The following GATA5 variants were observed in gnomAD, a reference collection of about 807,000 sequenced individuals.
GATA5 encodes transcription factor GATA-5.
GATA5 carries 27 observed loss-of-function variants against 35.0 expected under a neutral mutation model. The ratio of observed to expected loss-of-function variants is 0.77; its 90% CI spans 0.57 to 1.06. The LOEUF (loss-of-function observed/expected upper bound fraction) is 1.06. Ranked by LOEUF, GATA5 falls within the 50% of genes least tolerant of loss-of-function variation. GATA5 has a pLI of 0.00. For missense variants in GATA5, 612 were observed against 580.0 expected, an observed-to-expected ratio of 1.06 and a Z score of -0.57; for synonymous variants, 306 against 267.8, an observed-to-expected ratio of 1.14 and a Z score of -1.39.
intron 6 of GATA5, 98 bp from the exon 7 acceptor site, chr20:62,465,089 G>A: frequency 1.9e-6 from 2 of 1,075,624 alleles, no homozygotes; most frequent in Non-Finnish European, 2.7e-6. Context: ...CCCATGACCG[G>A]TATTTGCCCT....
intron 1 of GATA5, 91 bp from the exon 2 acceptor site, chr20:62,475,633 G>C (rs1306099238): frequency 1.3e-5 from 11 of 876,308 alleles, no homozygotes; most frequent in Non-Finnish European, 1.7e-5. Context: ...CCGCCGCTTC[G>C]GGCAGCGCTT....
chr20:62,473,904 A>T (rs1989785563), intron 2 of GATA5, among the ~76,000 whole-genome samples: 1 of 152,026 alleles, frequency 6.6e-6, no homozygotes, highest in South Asian at 2.1e-4. Context: ...TGCCTGTTTG[A>T]CCTGCTGGGA....
At position 62,464,898 on chromosome 20, in the gene GATA5, G is replaced by A; in HGVS notation, c.1132C>T (p.Pro378Ser). Residue 378 changes from proline (P) to serine (S), a missense_variant, in exon 7 of 7, where the codon CCC becomes TCC. Pro to Ser is a moderately conservative substitution (Grantham distance 74). Transcript: ENST00000252997. ...AGAGCCCCCCTGAGGCCAGCCTGGG[G>A]GCTTGGGGCCGTGGAGGGGAAGGCA... Reference protein sequence around the residue: ...DFAFPSTAPSPQAGLRGALRQ... With the variant: ...DFAFPSTAPSSQAGLRGALRQ... The A allele has an allele frequency of 6.2e-7, 1 of 1,611,428 alleles. No homozygotes were observed. Among genetic ancestry groups the A allele is most frequent in the Non-Finnish European group, 8.5e-7 (1 of 1,179,186 alleles).
intron 6 of GATA5, 47 bp downstream of exon 6, chr20:62,465,293 C>G: frequency 6.5e-7 from 1 of 1,549,578 alleles, no homozygotes; most frequent in Non-Finnish European, 8.7e-7. Flanking sequence ...GCGGAGGAAG[C>G]ACAGGGGCCC....
At position 62,466,532 on chromosome 20, in the gene GATA5, C is replaced by G. The variant is rs1363190211; in HGVS notation, c.719G>C (p.Gly240Ala). Residue 240 changes from glycine (G) to alanine (A), a missense_variant, in exon 4 of 7, where the codon GGC (glycine) becomes GCC (alanine). By Grantham distance (60) the Gly-to-Ala change is moderately conservative. Transcript: ENST00000252997. ...QKRLSSSRRAGLCCTNCHTTN... is the reference protein window; with the variant it reads ...QKRLSSSRRAALCCTNCHTTN... ...CGTGTGGCAGTTGGTGCAGCAGAGG[C>G]CGGCGCGGCGGGACGAGGACTGTGG... 1.3e-6 allele frequency: 2 copies of G among 1,556,728 alleles called. No homozygotes were observed. The highest frequency in any genetic ancestry group is 1.4e-5 in the African/African-American group (1 of 73,504).
Position 62,464,920 on chromosome 20 carries a change from G to A in GATA5, c.1110C>T (p.Ala370=), listed in dbSNP as rs567510235. Residue 370 remains alanine (A), a synonymous_variant, in exon 7 of 7, where the codon GCC becomes GCT. Coordinates refer to ENST00000252997, the MANE Select transcript of GATA5 (RefSeq NM_080473.5). The stretch of plus-strand genomic sequence containing the variant: ...GGGGGCTTGGGGCCGTGGAGGGGAA[G>A]GCAAAGTCCTCAGGCTCGAACTTGA... ...LEFKFEPEDF[A]FPSTAPSPQA... The A allele has an allele frequency of 1.2e-6, 2 of 1,611,602 alleles. No individual in the cohort carries two copies. Among genetic ancestry groups the A allele is most frequent in the African/African-American group, 1.3e-5 (1 of 74,890 alleles).
rs376640853 is a variant in GATA5, at chr20:62,470,400, G to A, written c.699+3003C>T. 2.0e-5 allele frequency among the ~76,000 whole-genome samples: 3 copies of A among 152,238 alleles called. No individual in the cohort carries two copies. The highest frequency in any genetic ancestry group is 4.8e-5 in the African/African-American group (2 of 41,472). On this transcript the variant is annotated intron_variant, in intron 3 of 6. Coordinates refer to ENST00000252997, the MANE Select transcript of GATA5 (RefSeq NM_080473.5). The surrounding 1 kb of genome is among the most constrained non-coding windows in gnomAD (Gnocchi z 4.6). ...GCCGCAGAGTCTGAGCCTTGGGGAC[G>A]GGTGAGTGGCTGGAATGTCTCCAAA... is the stretch of plus-strand genomic sequence containing the variant.
intron 5 of GATA5, 52 bp from the exon 6 acceptor site, chr20:62,465,516 C>A: frequency 6.4e-7 from 1 of 1,566,756 alleles, no homozygotes. Context: ...GCCTCACTTC[C>A]CCTTCCTGCC....
At position 62,468,877 on chromosome 20, in the gene GATA5, C is replaced by T. The variant is rs143352867; in HGVS notation, c.700-2326G>A. On this transcript the variant is annotated intron_variant, in intron 3 of 6. Coordinates refer to ENST00000252997, the MANE Select transcript of GATA5 (RefSeq NM_080473.5). Reference sequence around the variant, plus strand: ...CCCCGGCTGGATGGTGGGCACCCTTCGTGCAGGAGCAATTGGGGTCACCCA... The same window carrying T: ...CCCCGGCTGGATGGTGGGCACCCTTTGTGCAGGAGCAATTGGGGTCACCCA... Among the ~76,000 whole-genome samples, 402 of 152,352 alleles carry T rather than the reference C, an allele frequency of 2.6e-3. 1 individual carries two copies. The highest frequency in any genetic ancestry group is 4.1e-3 in the Non-Finnish European group (280 of 68,014).
In GATA5 at chr20:62,473,502, C is replaced by A; in HGVS notation, c.600G>T (p.Trp200Cys). The stretch of plus-strand genomic sequence containing the variant: ...GGTAGTGGCCGGTGCCGTCTCGGCG[C>A]CACAGCGGTGTGGACAGGGCCCCGC... Reference protein sequence around the residue: ...VNCGALSTPLWRRDGTGHYLC... With the variant: ...VNCGALSTPLCRRDGTGHYLC... The change falls in exon 3 of 7, where the codon TGG becomes TGT. Residue 200 changes from tryptophan (W) to cysteine (C), a missense_variant. Trp to Cys is a radical substitution (Grantham distance 215). Coordinates refer to ENST00000252997, the MANE Select transcript of GATA5 (RefSeq NM_080473.5). The A allele has an allele frequency of 1.2e-6, 2 of 1,609,754 alleles. No homozygotes were observed. The highest frequency in any genetic ancestry group is 2.2e-5 in the South Asian group (2 of 90,442).
rs1555896095 is a variant in GATA5, at chr20:62,466,419, C to A, written c.825+7G>T. The stretch of plus-strand genomic sequence containing the variant: ...CCTCCCCGCCCTGCCCCGGGGACCA[C>A]ACTCACCCCGTGCAGCTTCATGTAG... On this transcript the variant is annotated splice_region_variant and intron_variant, in intron 4 of 6. Coordinates refer to ENST00000252997, the MANE Select transcript of GATA5 (RefSeq NM_080473.5). 1.3e-6 allele frequency: 2 copies of A among 1,580,066 alleles called. No individual in the cohort carries two copies. The highest frequency in any genetic ancestry group is 2.3e-5 in the South Asian group (2 of 86,354).
At position 62,464,685 on chromosome 20, in the gene GATA5, C is replaced by T. The variant is rs1989532371; in HGVS notation, c.*151G>A. The T allele has an allele frequency of 1.5e-6, 1 of 669,646 alleles. No homozygotes were observed. The highest frequency in any genetic ancestry group is 1.9e-5 in the African/African-American group (1 of 52,880). The allele number at this position is 669,646 out of a possible 1,614,324, so 41.5% of individuals were successfully genotyped here. Reference sequence around the variant, plus strand: ...CCCGACTGCCGTCTGTCCAGAAGGCCTCCCCACCACTGTGTGGAGACTCCA... The same window carrying T: ...CCCGACTGCCGTCTGTCCAGAAGGCTTCCCCACCACTGTGTGGAGACTCCA... On this transcript the variant is annotated 3_prime_UTR_variant, in exon 7 of 7. Transcript: ENST00000252997.
chr20:62,469,740 C>G (rs1486914773), intron 3 of GATA5, among the ~76,000 whole-genome samples: 1 of 152,238 alleles, frequency 6.6e-6, no homozygotes, highest in Non-Finnish European at 1.5e-5. Flanking sequence ...ATGGACCTCA[C>G]AACACTTTTC....
Position 62,465,835 on chromosome 20 carries a change from T to TGAG in GATA5, c.909_911dup (p.Ser304dup). 6.3e-7 allele frequency: 1 copy of TGAG among 1,583,278 alleles called. No homozygotes were observed. Among genetic ancestry groups the TGAG allele is most frequent in the Middle Eastern group, 1.7e-4 (1 of 6,030 alleles). On this transcript the variant is annotated inframe_insertion and splice_region_variant, in exon 5 of 7. Coordinates refer to ENST00000252997, the MANE Select transcript of GATA5 (RefSeq NM_080473.5). The stretch of plus-strand genomic sequence containing the variant: ...TGACTGCAGGGCCTGGCCACGCACC[T>TGAG]GAGGAGCCCCTGGCCTTGGCGATGG...
chr20:62,469,429 C>T (rs782725324), intron 3 of GATA5, among the ~76,000 whole-genome samples: 3 of 152,232 alleles, frequency 2.0e-5, no homozygotes, highest in African/African-American at 7.2e-5. Context: ...GAGGGACCCT[C>T]GGGTCTGGGA....
chr20:62,471,100 C>A (rs917658044), intron 3 of GATA5, among the ~76,000 whole-genome samples: 2 of 152,160 alleles, frequency 1.3e-5, no homozygotes, highest in African/African-American at 4.8e-5. Flanking sequence ...GAACTGTCTA[C>A]GAGATGCCCC....
chr20:62,466,491 A>G lies in GATA5; in HGVS notation c.760T>C (p.Trp254Arg). ...GGCTCCCCCTCCGAGTTCCGCCGCC[A>G]CAGCGTGGTGTTGGTCGTGTGGCAG... ...TNCHTTNTTL[W>R]RRNSEGEPVC... Residue 254 changes from tryptophan (W) to arginine (R), a missense_variant, in exon 4 of 7, where the codon TGG (tryptophan) becomes CGG (arginine). Coordinates refer to ENST00000252997, the MANE Select transcript of GATA5 (RefSeq NM_080473.5). 1 of 1,573,480 alleles carries G rather than the reference A, an allele frequency of 6.4e-7. No individual in the cohort carries two copies. The highest frequency in any genetic ancestry group is 8.6e-7 in the Non-Finnish European group (1 of 1,159,672).
rs200199777 is a variant in GATA5, at chr20:62,464,851, C to T, written c.1179G>A (p.Ala393=). Residue 393 remains alanine, a synonymous_variant, in exon 7 of 7, where the codon GCG becomes GCA. Coordinates refer to ENST00000252997, the MANE Select transcript of GATA5 (RefSeq NM_080473.5). ...RGALRQEAWC[A]LALA ...GCCTGGGGACCTAGGCCAAGGCCAGCGCACACCAGGCCTCTTGGCGCAGAG... is the reference window on the plus strand; with the variant it reads ...GCCTGGGGACCTAGGCCAAGGCCAGTGCACACCAGGCCTCTTGGCGCAGAG... The T allele has an allele frequency of 2.0e-5, 32 of 1,605,068 alleles. No homozygotes were observed. In the African/African-American group the frequency reaches 2.8e-4, roughly 14 times the overall value.
intron 3 of GATA5, 52 bp downstream of exon 3, chr20:62,473,351 C>G (rs1989766583): frequency 2.6e-6 from 4 of 1,552,098 alleles, no homozygotes; most frequent in Non-Finnish European, 3.5e-6. Flanking sequence ...TGCAAGAGGT[C>G]CCCTCGGGGG....
Sources: allele counts gnomAD v4.1 joint callset (sites outside exome capture counted in the v4.1 genomes callset), GRCh38; gene constraint gnomAD v4.1.1; non-coding constraint Gnocchi (gnomAD v3.1); transcripts MANE v1.5; gene names NCBI Gene and HGNC (gene_info 2026-07-23, HGNC 2026-07-21).